Variants in AKAP8L observed in about 807,000 individuals in gnomAD.
The protein encoded by AKAP8L is A-kinase anchoring protein 8 like, also known as A-kinase anchor protein 8-like.
AKAP8L carries 34 observed loss-of-function variants against 77.5 expected under a neutral mutation model. The ratio of observed to expected loss-of-function variants is 0.44; its 90% CI spans 0.33 to 0.58. The LOEUF is 0.58. Ranked by LOEUF, AKAP8L falls within the 20% of genes least tolerant of loss-of-function variation. AKAP8L has a pLI of 0.02. For synonymous variants in AKAP8L, 342 were observed against 340.7 expected (o/e 1.00, Z -0.04); for missense variants, 806 against 887.6 (o/e 0.91, Z 1.17).
At position 15,408,699 on chromosome 19, in the gene AKAP8L, C is replaced by T. The variant is rs1037366619; in HGVS notation, c.88+1821G>A. ...GAGCTCGAGAACATCCTGGCAAATACGGTGAAACCCCGTCTCTACTGAAAA... is the reference window on the plus strand; with the variant it reads ...GAGCTCGAGAACATCCTGGCAAATATGGTGAAACCCCGTCTCTACTGAAAA... On this transcript the variant is annotated intron_variant, in intron 2 of 13. Transcript: ENST00000397410. Among the ~76,000 whole-genome samples the T allele has an allele frequency of 2.7e-5, 4 of 150,802 alleles. 1 individual carries two copies. The highest frequency in any genetic ancestry group is 4.2e-4 in the South Asian group (2 of 4,770).
chr19:15,381,311 T>C (rs1432648494), intron 12 of AKAP8L: 1 of 152,292 alleles, frequency 6.6e-6, no homozygotes. Flanking sequence ...GTTAAATAAA[T>C]CGTACATTCA....
chr19:15,398,016 G>T lies in AKAP8L; in HGVS notation c.1158-161C>A. Reference sequence around the variant, plus strand: ...CAGGCTGGGACCAGTGGGGTCGGGAGTAGAAAGGGCCAGAAAGTCTGCAGG... The same window carrying T: ...CAGGCTGGGACCAGTGGGGTCGGGATTAGAAAGGGCCAGAAAGTCTGCAGG... On this transcript the variant is annotated intron_variant, in intron 9 of 13. Transcript: ENST00000397410. The surrounding 1 kb of genome is among the most constrained non-coding windows in gnomAD (Gnocchi z 9.2). 1.2e-6 allele frequency: 1 copy of T among 834,136 alleles called. No individual in the cohort carries two copies. Among genetic ancestry groups the T allele is most frequent in the Non-Finnish European group, 1.8e-6 (1 of 547,414 alleles). 51.7% of individuals were successfully genotyped at this position (834,136 alleles called of 1,614,324 possible).
At chr19:15,418,155 C>T (rs560329829) in intron 1 of AKAP8L, among the ~76,000 whole-genome samples, 2 of 152,338 alleles carry the variant, frequency 1.3e-5, no homozygotes, top group South Asian at 2.1e-4. Context: ...AGTGGAGCGA[C>T]CCCCGCACGG....
At chr19:15,418,641 C>A (rs946648370) in intron 1 of AKAP8L, among the ~76,000 whole-genome samples, 4 of 152,184 alleles carry the variant, frequency 2.6e-5, no homozygotes, top group Non-Finnish European at 4.4e-5. Context: ...GCGGAGACCT[C>A]GTGCGCTGAG....
At chr19:15,418,840 G>T in intron 1 of AKAP8L, 71 bp downstream of exon 1, 2 of 1,501,010 alleles carry the variant, frequency 1.3e-6, no homozygotes, top group East Asian at 2.4e-5. Context: ...GTGCGGGCAA[G>T]CCTGGTGCGG....
In AKAP8L at chr19:15,380,470, G is replaced by A. The variant is rs1055596462; in HGVS notation, c.1633-40C>T. ...GCGGACACTGAAGGGAGGGAGCACA[G>A]GCGGGGACTAAGCTGGGGACAGGGC... is the stretch of plus-strand genomic sequence containing the variant. On this transcript the variant is annotated intron_variant, in intron 13 of 13. Transcript: ENST00000397410. The A allele has an allele frequency of 5.0e-6, 8 of 1,612,722 alleles. No individual in the cohort carries two copies. In the African/African-American group the frequency reaches 9.3e-5, roughly 19 times the overall value.
intron 12 of AKAP8L, among the ~76,000 whole-genome samples, chr19:15,392,424 A>G (rs1184740393): frequency 1.3e-5 from 2 of 151,998 alleles, no homozygotes; most frequent in Non-Finnish European, 2.9e-5. Flanking sequence ...TGAGCCCAGG[A>G]GGTTGGAGGC....
In AKAP8L at chr19:15,394,679, G is replaced by C. The variant is rs1599600356; in HGVS notation, c.1536+2471C>G. On this transcript the variant is annotated intron_variant, in intron 12 of 13. Transcript: ENST00000397410. ...CCACCTTGGCTTCCCAAAGTGCTGG[G>C]ATTGCAGGCATGAGCCACCACGCCC... Among the ~76,000 whole-genome samples the C allele has an allele frequency of 5.9e-5, 9 of 152,240 alleles. 3 individuals are homozygous for C. Among genetic ancestry groups the C allele is most frequent in the Admixed American group, 5.9e-4 (9 of 15,274 alleles).
chr19:15,418,770 G>T (rs1968267495), intron 1 of AKAP8L, 141 bp downstream of exon 1: 2 of 793,990 alleles, frequency 2.5e-6, no homozygotes, highest in Non-Finnish European at 4.0e-6. Flanking sequence ...ACCCTGAGGC[G>T]ACGGGCCAGC....
At position 15,399,111 on chromosome 19, in the gene AKAP8L, C is replaced by T. The variant is rs770497272; in HGVS notation, c.1157+191G>A. 86 of 606,086 alleles carry T rather than the reference C, an allele frequency of 1.4e-4. No individual in the cohort carries two copies. Among genetic ancestry groups the T allele is most frequent in the South Asian group, 2.0e-4 (10 of 50,850 alleles). 37.5% of individuals were successfully genotyped at this position (606,086 alleles called of 1,614,324 possible). A position where few individuals can be genotyped will look rare whatever the true frequency, so the allele number is the denominator to read the frequency against. ...CAGACGCCAGCGGTCGCCAGGCGGC[C>T]GCAGAGGGGCAGGGGATGAGTCAGG... On this transcript the variant is annotated intron_variant, in intron 9 of 13. Transcript: ENST00000397410. This position sits in a 1 kb window ranked among gnomAD's most constrained non-coding sequence, Gnocchi z 6.1.
chr19:15,380,579 TGAGG>T lies in AKAP8L; in HGVS notation c.1566_1569del (p.Leu523TrpfsTer20). On this transcript the variant is annotated frameshift_variant, in exon 13 of 14. Transcript: ENST00000397410. LOFTEE classifies it high-confidence loss of function. ...TTGTTGAGAATACTGCGGGCCACCA[TGAGG>T]GAGGACTTCTTGGACTGCTCCATCA... 1 of 1,613,794 alleles carries T rather than the reference TGAGG, an allele frequency of 6.2e-7. No homozygotes were observed. Among genetic ancestry groups the T allele is most frequent in the Non-Finnish European group, 8.5e-7 (1 of 1,179,876 alleles).
chr19:15,412,180 C>A lies in AKAP8L; in HGVS notation c.14-1586G>T, dbSNP rs149446636. 8.4e-3 allele frequency among the ~76,000 whole-genome samples: 1,278 copies of A among 152,258 alleles called. 19 individuals are homozygous for A. The highest frequency in any genetic ancestry group is 0.029 in the African/African-American group (1,203 of 41,546). On this transcript the variant is annotated intron_variant, in intron 1 of 13. Transcript: ENST00000397410. ...CCAAAATCATGCCACTGCATTCCAG[C>A]CTAGGCGACAGAGCAAGACTCCGTC...
chr19:15,399,855 G>T lies in AKAP8L; in HGVS notation c.1048+440C>A, dbSNP rs1386222943. ...ACCTGCTGGCGCTCATCACTCAGGTGGGGGGACACGGAATCCCAACAGGGG... is the reference window on the plus strand; with the variant it reads ...ACCTGCTGGCGCTCATCACTCAGGTTGGGGGACACGGAATCCCAACAGGGG... On this transcript the variant is annotated intron_variant, in intron 8 of 13. Transcript: ENST00000397410. This position sits in a 1 kb window ranked among gnomAD's most constrained non-coding sequence, Gnocchi z 6.1. The T allele has an allele frequency of 2.3e-5, 7 of 309,906 alleles. No homozygotes were observed. In the South Asian group the frequency reaches 2.3e-4, roughly 10 times the overall value. 19.2% of individuals were successfully genotyped at this position (309,906 alleles called of 1,614,324 possible). A position where few individuals can be genotyped will look rare whatever the true frequency, so the allele number is the denominator to read the frequency against.
chr19:15,413,940 C>T (rs1968153051), intron 1 of AKAP8L, among the ~76,000 whole-genome samples: 1 of 152,226 alleles, frequency 6.6e-6, no homozygotes, highest in Non-Finnish European at 1.5e-5. Flanking sequence ...AGATCAATGG[C>T]AATCTCTGCT....
intron 7 of AKAP8L, 68 bp downstream of exon 7, chr19:15,400,726 G>T: frequency 6.4e-7 from 1 of 1,570,510 alleles, no homozygotes; most frequent in Non-Finnish European, 8.7e-7. Context: ...GGCCCCCAGG[G>T]AGAGCACCAC....
At position 15,403,528 on chromosome 19, in the gene AKAP8L, C is replaced by T. The variant is rs1568270227; in HGVS notation, c.309G>A (p.Pro103=). The change falls in exon 4 of 14, where the codon CCG becomes CCA. Residue 103 remains proline, a synonymous_variant. Coordinates refer to ENST00000397410, the MANE Select transcript of AKAP8L (RefSeq NM_014371.4). This position sits in a 1 kb window ranked among gnomAD's most constrained non-coding sequence, Gnocchi z 4.3. The part of the protein sequence containing the change: ...SRINQRLDMV[P]HLETDMMQGG... ...CTTGCATCATGTCTGTCTCCAAATGCGGCACCATATCTAAGCGCTGGTTAA... is the reference window on the plus strand; with the variant it reads ...CTTGCATCATGTCTGTCTCCAAATGTGGCACCATATCTAAGCGCTGGTTAA... 1.9e-6 allele frequency: 3 copies of T among 1,613,836 alleles called. No individual in the cohort carries two copies. Among genetic ancestry groups the T allele is most frequent in the African/African-American group, 1.3e-5 (1 of 74,906 alleles).
At chr19:15,386,547 G>A (rs928246457) in intron 12 of AKAP8L, among the ~76,000 whole-genome samples, 1 of 152,130 alleles carries the variant, frequency 6.6e-6, no homozygotes, top group Non-Finnish European at 1.5e-5. Flanking sequence ...CCCCAGCTTA[G>A]TGTGATGGAA....
At position 15,403,296 on chromosome 19, in the gene AKAP8L, G is replaced by A; in HGVS notation, c.362+179C>T. 3.2e-6 allele frequency: 2 copies of A among 623,816 alleles called. No homozygotes were observed. The highest frequency in any genetic ancestry group is 1.9e-5 in the South Asian group (1 of 53,224). The allele number at this position is 623,816 out of a possible 1,614,324, so 38.6% of individuals were successfully genotyped here. On this transcript the variant is annotated intron_variant, in intron 4 of 13. Transcript: ENST00000397410. The surrounding 1 kb of genome is among the most constrained non-coding windows in gnomAD (Gnocchi z 4.3). Reference sequence around the variant, plus strand: ...AGGCAGTGCGGCAGGGGTTGAGGGTGGGTGAGAGGAGACACAAGTCAGAGA... The same window carrying A: ...AGGCAGTGCGGCAGGGGTTGAGGGTAGGTGAGAGGAGACACAAGTCAGAGA...
rs202121058 is a variant in AKAP8L, at chr19:15,380,398, C to G, written c.1665G>C (p.Glu555Asp). Residue 555 changes from glutamate to aspartate, a missense_variant, in exon 14 of 14, where the codon GAG (glutamate) becomes GAC (aspartate). Glu to Asp is a conservative substitution (Grantham distance 45, BLOSUM62 2). This residue lies in a region of AKAP8L where 226 missense variants were observed against 193.5 expected (regional missense o/e 1.17). Transcript: ENST00000397410. ...CCTCAGCCTCCTCCTGCTCCTTCTC[C>G]TCCTCGGGGCTGTCGGTGAAAGGGT... ...GENPFTDSPE[E>D]EKEQEEAEGG... The G allele has an allele frequency of 6.3e-7, 1 of 1,591,446 alleles. No homozygotes were observed. The highest frequency in any genetic ancestry group is 2.3e-5 in the East Asian group (1 of 44,050).
Sources: gnomAD v4.1 joint callset for allele counts (sites outside exome capture counted in the v4.1 genomes callset) on GRCh38, gnomAD v4.1.1 for gene constraint, gnomAD v4.1.1 regional missense constraint, Gnocchi (gnomAD v3.1) non-coding constraint, MANE v1.5 for transcripts, NCBI Gene and HGNC (gene_info 2026-07-23, HGNC 2026-07-21) for gene names.